DAB1: variants seen among roughly 807,000 people sequenced by gnomAD.
DAB1 encodes the protein disabled homolog 1.
DAB1 carries 15 observed loss-of-function variants against 64.6 expected under a neutral mutation model. The ratio of observed to expected loss-of-function variants is 0.23; its 90% CI spans 0.16 to 0.36. DAB1 has a LOEUF of 0.36. DAB1 is among the 10% of genes least tolerant of loss of function. The pLI is 1.00. For synonymous variants in DAB1, 235 were observed against 251.9 expected (o/e 0.93, Z 0.64); for missense variants, 596 against 706.7 (o/e 0.84, Z 1.78).
intron 2 of DAB1, among the ~76,000 whole-genome samples, chr1:57,275,223 G>A (rs892020197): frequency 6.6e-6 from 1 of 151,986 alleles, no homozygotes; most frequent in Non-Finnish European, 1.5e-5. Flanking sequence ...CAGTAGACCT[G>A]GCCTAAAAAT....
At chr1:57,561,506 T>C (rs893388247) in intron 7 of DAB1, among the ~76,000 whole-genome samples, 14 of 152,218 alleles carry the variant, frequency 9.2e-5, no homozygotes, top group African/African-American at 3.1e-4. Context: ...GGAAGAGGTA[T>C]ACAGATAGAC....
chr1:57,151,990 T>A (rs2100847564), intron 2 of DAB1, among the ~76,000 whole-genome samples: 1 of 152,044 alleles, frequency 6.6e-6, no homozygotes, highest in East Asian at 1.9e-4. Flanking sequence ...ATTTTTGTAT[T>A]TTTGGTAGAG....
At chr1:57,769,348 C>G (rs1393602883) in intron 6 of DAB1, among the ~76,000 whole-genome samples, 9 of 152,140 alleles carry the variant, frequency 5.9e-5, no homozygotes, top group Non-Finnish European at 8.8e-5. Flanking sequence ...TAATTCTGAC[C>G]TTTCCTGGGT....
At chr1:58,490,795 CTTTTTTTT>C (rs148145860) in intron 3 of DAB1, among the ~76,000 whole-genome samples, 6 of 59,244 alleles carry the variant, frequency 1.0e-4, no homozygotes, top group East Asian at 7.2e-4. Flanking sequence ...AGTCAACATT[CTTTTTTTT>C]TTTTTTTTTT....
chr1:58,155,736 T>C (rs1048330799), intron 4 of DAB1, among the ~76,000 whole-genome samples: 4 of 152,206 alleles, frequency 2.6e-5, no homozygotes, highest in African/African-American at 9.6e-5. Flanking sequence ...AGAGAAAGAC[T>C]CAGTAGCCAG....
chr1:57,258,180 C>A (rs992304582), intron 2 of DAB1, among the ~76,000 whole-genome samples: 1 of 152,132 alleles, frequency 6.6e-6, no homozygotes, highest in Admixed American at 6.6e-5. Flanking sequence ...TTGTATTTCT[C>A]ACATCCATGA....
At chr1:57,501,238 T>C (rs1194751151) in intron 7 of DAB1, among the ~76,000 whole-genome samples, 1 of 152,224 alleles carries the variant, frequency 6.6e-6, no homozygotes, top group Non-Finnish European at 1.5e-5. Context: ...GAGACCTCCT[T>C]GTAAGAAGGC....
intron 2 of DAB1, among the ~76,000 whole-genome samples, chr1:57,250,293 T>A (rs1192856103): frequency 1.3e-5 from 2 of 152,190 alleles, no homozygotes; most frequent in Non-Finnish European, 2.9e-5. Flanking sequence ...TGTACGCCAA[T>A]CTGTCTATGT....
At position 57,896,535 on chromosome 1, in the gene DAB1, C is replaced by A. The variant is rs538808064; in HGVS notation, n.388-12373G>T. ...GACCAAAATGGCTTGATAGAGAAAT[C>A]TGAGACAGACTTCAGTGGAGTGGTA... On this transcript the variant is annotated intron_variant and non_coding_transcript_variant, in intron 5 of 20. Coordinates refer to the DAB1 transcript ENST00000485760. Among the ~76,000 whole-genome samples, 10 of 152,128 alleles carry A rather than the reference C, an allele frequency of 6.6e-5. No individual in the cohort carries two copies. The East Asian group carries it at 9.7e-4, about 15-fold the overall frequency.
chr1:57,418,182 A>G (rs749604511), intron 1 of DAB1, among the ~76,000 whole-genome samples: 1 of 152,222 alleles, frequency 6.6e-6, no homozygotes, highest in Non-Finnish European at 1.5e-5. Context: ...TTGAATGGAC[A>G]TAGAAGTGAT....
intron 5 of DAB1, among the ~76,000 whole-genome samples, chr1:58,135,419 ACCGAGTACCTGGTACTCAGTG>A (rs2100704036): frequency 1.3e-5 from 2 of 152,294 alleles, no homozygotes; most frequent in South Asian, 4.2e-4. Context: ...GCTACCAGGT[ACCGAGTACCTGGTACTCAGTG>A]CTGAGTTCCT....
chr1:58,325,133 G>A (rs1032867030), intron 4 of DAB1, among the ~76,000 whole-genome samples: 1 of 152,156 alleles, frequency 6.6e-6, no homozygotes, highest in Non-Finnish European at 1.5e-5. Flanking sequence ...TTGGACAACT[G>A]AATCCTGGGG....
At chr1:58,000,209 T>G (rs963598022) in intron 5 of DAB1, among the ~76,000 whole-genome samples, 1 of 152,148 alleles carries the variant, frequency 6.6e-6, no homozygotes, top group Non-Finnish European at 1.5e-5. Flanking sequence ...ATGAAATAAG[T>G]CTTCAGTGTA....
At chr1:57,050,216 T>C (rs182109875) in intron 9 of DAB1, among the ~76,000 whole-genome samples, 1 of 152,312 alleles carries the variant, frequency 6.6e-6, no homozygotes, top group Non-Finnish European at 1.5e-5. Flanking sequence ...TTTTTCTGAC[T>C]CTATCCTGAA....
chr1:58,423,262 G>A (rs1225319152), intron 3 of DAB1, among the ~76,000 whole-genome samples: 1 of 152,172 alleles, frequency 6.6e-6, no homozygotes, highest in Non-Finnish European at 1.5e-5. Flanking sequence ...CTACATCCCA[G>A]TCTTAGACCT....
At chr1:57,990,683 T>G (rs995060918) in intron 5 of DAB1, among the ~76,000 whole-genome samples, 5 of 152,000 alleles carry the variant, frequency 3.3e-5, no homozygotes, top group Admixed American at 2.6e-4. Flanking sequence ...GACAGCAGTG[T>G]GAGAGGAGGC....
At chr1:57,618,539 A>C (rs1645817099) in intron 7 of DAB1, among the ~76,000 whole-genome samples, 1 of 152,042 alleles carries the variant, frequency 6.6e-6, no homozygotes, top group African/African-American at 2.4e-5. Context: ...TTGCTTTTAC[A>C]TTTGAGAAGT....
chr1:57,760,798 C>T (rs1649052217), intron 6 of DAB1, among the ~76,000 whole-genome samples: 2 of 152,100 alleles, frequency 1.3e-5, no homozygotes, highest in African/African-American at 4.8e-5. Flanking sequence ...ACATGTCCTT[C>T]TCATGGTGAC....
At chr1:57,471,523 G>C (rs1368588563) in intron 7 of DAB1, among the ~76,000 whole-genome samples, 2 of 152,172 alleles carry the variant, frequency 1.3e-5, no homozygotes, top group Non-Finnish European at 2.9e-5. Context: ...TGTTGCAGGA[G>C]GGACCTTGTA....
Sources: gnomAD v4.1 joint callset for allele counts (sites outside exome capture counted in the v4.1 genomes callset) on GRCh38, gnomAD v4.1.1 for gene constraint, MANE v1.5 for transcripts, NCBI Gene and HGNC (gene_info 2026-07-23, HGNC 2026-07-21) for gene names.